The following NPAS3 variants were observed in gnomAD, a reference collection of about 807,000 sequenced individuals.
NPAS3 encodes neuronal PAS domain protein 3.
NPAS3 carries 14 observed loss-of-function variants against 73.1 expected under a neutral mutation model. The observed-to-expected ratio is 0.19, with a 90% CI of 0.13 to 0.30. The LOEUF is 0.30. Ranked by LOEUF, NPAS3 falls within the 10% of genes least tolerant of loss-of-function variation. The pLI, the probability that NPAS3 is intolerant of heterozygous loss-of-function variation, is 1.00. For missense variants in NPAS3, 1,096 were observed against 1,250.0 expected (o/e 0.88, Z 1.86); for synonymous variants, 620 against 541.5 (o/e 1.14, Z -2.01).
At chr14:33,380,716 G>A (rs2046509777) in intron 4 of NPAS3, among the ~76,000 whole-genome samples, 1 of 152,114 alleles carries the variant, frequency 6.6e-6, no homozygotes, top group South Asian at 2.1e-4. Flanking sequence ...TGTTGTTCTG[G>A]ATGAATAAAA....
At chr14:33,008,087 A>G (rs2039062936) in intron 1 of NPAS3, among the ~76,000 whole-genome samples, 1 of 152,232 alleles carries the variant, frequency 6.6e-6, no homozygotes, top group Admixed American at 6.5e-5. Flanking sequence ...CTTAATTAAA[A>G]TAATTCCTAA....
intron 3 of NPAS3, among the ~76,000 whole-genome samples, chr14:33,245,321 A>T (rs1170331475): frequency 6.6e-6 from 1 of 152,166 alleles, no homozygotes; most frequent in Non-Finnish European, 1.5e-5. Flanking sequence ...AGTGCACTTC[A>T]TGGATTATCT....
At chr14:33,214,610 A>C (rs1051630022) in intron 2 of NPAS3, 1 of 152,352 alleles carries the variant, frequency 6.6e-6, no homozygotes, top group Admixed American at 6.6e-5. Flanking sequence ...TTTAAATATG[A>C]TGTTTTCTTC....
chr14:33,551,619 A>C (rs879440214), intron 4 of NPAS3, among the ~76,000 whole-genome samples: 1 of 152,196 alleles, frequency 6.6e-6, no homozygotes, highest in Non-Finnish European at 1.5e-5. Flanking sequence ...GCTAACATGG[A>C]AGTCTGAATG....
At chr14:33,325,472 C>G (rs540376860) in intron 3 of NPAS3, among the ~76,000 whole-genome samples, 28 of 152,024 alleles carry the variant, frequency 1.8e-4, no homozygotes, top group African/African-American at 6.5e-4. Flanking sequence ...ATGGTGAAAC[C>G]CTGTCTCTAC....
chr14:33,594,738 C>T (rs767951490), intron 5 of NPAS3, among the ~76,000 whole-genome samples: 4 of 152,188 alleles, frequency 2.6e-5, no homozygotes, highest in African/African-American at 4.8e-5. Context: ...GAGAGAGTTG[C>T]GGGATTTTTC....
intron 5 of NPAS3, among the ~76,000 whole-genome samples, chr14:33,650,703 T>A (rs2058966560): frequency 1.3e-5 from 2 of 152,080 alleles, no homozygotes; most frequent in African/African-American, 4.8e-5. Flanking sequence ...GTAGATGACA[T>A]GTCTCTTCTG....
At chr14:33,084,901 G>C (rs970459583) in intron 2 of NPAS3, among the ~76,000 whole-genome samples, 8 of 152,152 alleles carry the variant, frequency 5.3e-5, no homozygotes, top group East Asian at 1.9e-4. Flanking sequence ...TGTGAGTAAA[G>C]CAAAACATTT....
At chr14:33,160,387 A>G (rs1185198229) in intron 2 of NPAS3, among the ~76,000 whole-genome samples, 5 of 150,786 alleles carry the variant, frequency 3.3e-5, no homozygotes, top group African/African-American at 4.9e-5. Flanking sequence ...GGTGATTTTT[A>G]TTTCACATTT....
chr14:33,396,271 A>G (rs1279425819), intron 4 of NPAS3, among the ~76,000 whole-genome samples: 1 of 152,150 alleles, frequency 6.6e-6, no homozygotes, highest in East Asian at 1.9e-4. Context: ...CAACTCTCAG[A>G]TTTTGATGCA....
chr14:33,274,094 A>G lies in NPAS3; in HGVS notation c.385+58668A>G, dbSNP rs545140440. Among the ~76,000 whole-genome samples, 36 of 152,336 alleles carry G rather than the reference A, an allele frequency of 2.4e-4. No individual in the cohort carries two copies. The South Asian group carries it at 7.0e-3, about 30-fold the overall frequency. ...GCATGGCCAGAGAGGATTTATGGACAGAAAAAAAGAAAGTGACACACAGGA... is the reference window on the plus strand; with the variant it reads ...GCATGGCCAGAGAGGATTTATGGACGGAAAAAAAGAAAGTGACACACAGGA... On this transcript the variant is annotated intron_variant, in intron 3 of 11. Coordinates refer to ENST00000356141, the Ensembl canonical transcript of NPAS3.
At chr14:33,040,367 T>G (rs563978110) in intron 1 of NPAS3, among the ~76,000 whole-genome samples, 3 of 152,134 alleles carry the variant, frequency 2.0e-5, no homozygotes, top group Non-Finnish European at 4.4e-5. Flanking sequence ...AGAACTGAAG[T>G]GCTGGGTAGG....
At chr14:33,103,607 C>T (rs1271607106) in intron 2 of NPAS3, among the ~76,000 whole-genome samples, 1 of 152,110 alleles carries the variant, frequency 6.6e-6, no homozygotes, top group East Asian at 1.9e-4. Context: ...ATTTTAATTG[C>T]CTCAGCTTTA....
At chr14:32,967,686 A>C (rs1423311574) in intron 1 of NPAS3, among the ~76,000 whole-genome samples, 1 of 152,026 alleles carries the variant, frequency 6.6e-6, no homozygotes. Flanking sequence ...GACAAAAAAT[A>C]ACAAATACTG....
chr14:32,997,760 T>TAAA (rs36083770), intron 1 of NPAS3, among the ~76,000 whole-genome samples: 2 of 112,748 alleles, frequency 1.8e-5, no homozygotes, highest in Admixed American at 9.3e-5. Flanking sequence ...CCGTCTCTAC[T>TAAA]AAAAAAAAAA....
At chr14:32,972,080 AGGCGCTC>A (rs2037455299) in intron 1 of NPAS3, among the ~76,000 whole-genome samples, 1 of 151,830 alleles carries the variant, frequency 6.6e-6, no homozygotes, top group African/African-American at 2.4e-5. Flanking sequence ...CTGGGACTAC[AGGCGCTC>A]GCCACCACGC....
At chr14:33,668,823 T>C (rs79896408) in intron 5 of NPAS3, among the ~76,000 whole-genome samples, 5,851 of 152,104 alleles carry the variant, frequency 0.038, 354 homozygotes, top group African/African-American at 0.13. Context: ...TGTCTCAAAA[T>C]AAAATAAAAT....
chr14:33,801,058 C>G, exon 12 of NPAS3: 1 of 1,594,950 alleles, frequency 6.3e-7, no homozygotes, highest in Non-Finnish European at 8.5e-7. Flanking sequence ...CCTTCCCCGT[C>G]TACAGCAACG....
chr14:33,519,260 T>C (rs2053451608), intron 4 of NPAS3, among the ~76,000 whole-genome samples: 1 of 152,158 alleles, frequency 6.6e-6, no homozygotes, highest in Admixed American at 6.6e-5. Flanking sequence ...AACTTCTCAG[T>C]ATCCTAGTCT....
Sources: gnomAD v4.1 joint callset for allele counts (sites outside exome capture counted in the v4.1 genomes callset) on GRCh38, gnomAD v4.1.1 for gene constraint, MANE v1.5 for transcripts, NCBI Gene and HGNC (gene_info 2026-07-23, HGNC 2026-07-21) for gene names.